Variants in NOVA1 observed in about 807,000 individuals in gnomAD.
NOVA1 encodes the protein RNA-binding protein Nova-1.
A neutral mutation model predicts 38.0 loss-of-function variants in NOVA1; 7 were observed. That is an observed-to-expected ratio of 0.18 (90% CI 0.10 to 0.35). The LOEUF is 0.35. Among genes scored for constraint, NOVA1 ranks in the 10% least tolerant of loss-of-function variants. The pLI is 1.00. For synonymous variants in NOVA1, 270 were observed against 232.5 expected (o/e 1.16, Z -1.47); for missense variants, 460 against 616.0 (o/e 0.75, Z 2.68).
At chr14:26,556,288 A>G (rs1341239641) in intron 2 of NOVA1, among the ~76,000 whole-genome samples, 1 of 152,192 alleles carries the variant, frequency 6.6e-6, no homozygotes, top group East Asian at 1.9e-4. Context: ...TGGTAAAATA[A>G]CAGACAACTT....
chr14:26,494,638 G>T (rs1338690045), intron 2 of NOVA1, among the ~76,000 whole-genome samples: 2 of 151,964 alleles, frequency 1.3e-5, no homozygotes, highest in African/African-American at 4.8e-5. Context: ...TCCTCTTCTG[G>T]CTTCTGTGTT....
intron 2 of NOVA1, among the ~76,000 whole-genome samples, chr14:26,574,417 T>A (rs1055672157): frequency 6.6e-6 from 1 of 152,078 alleles, no homozygotes; most frequent in Non-Finnish European, 1.5e-5. Flanking sequence ...TATTAGTGTA[T>A]ATTGTAAAGC....
At chr14:26,457,341 A>T (rs1408038460) in intron 4 of NOVA1, among the ~76,000 whole-genome samples, 1 of 152,128 alleles carries the variant, frequency 6.6e-6, no homozygotes, top group Admixed American at 6.6e-5. Context: ...TTTACAGTCC[A>T]GTGGTATAAT....
At chr14:26,497,244 G>A (rs577944594) in intron 2 of NOVA1, among the ~76,000 whole-genome samples, 23 of 152,206 alleles carry the variant, frequency 1.5e-4, no homozygotes, top group African/African-American at 4.8e-4. Context: ...TACAAGGGAC[G>A]TGAAGGACCT....
chr14:26,564,067 C>G (rs1481044130), intron 2 of NOVA1, among the ~76,000 whole-genome samples: 2 of 152,034 alleles, frequency 1.3e-5, no homozygotes, highest in Admixed American at 1.3e-4. Flanking sequence ...AATTTTAACC[C>G]TGGCAATTTA....
At chr14:26,591,496 G>A (rs986203239) in intron 2 of NOVA1, among the ~76,000 whole-genome samples, 1 of 151,576 alleles carries the variant, frequency 6.6e-6, no homozygotes, top group Non-Finnish European at 1.5e-5. Flanking sequence ...TCCAACAAAT[G>A]TCCAATATTC....
rs377305301 is a variant in NOVA1 at position 26,547,361 on chromosome 14, A to C, written c.280+48049T>G. On this transcript the variant is annotated intron_variant, in intron 2 of 4. Transcript: ENST00000539517. Reference sequence around the variant, plus strand: ...AAATTAATTTAACTGAAACACCGACAGTTTATTTTTGATTACACAAGCAGT... The same window carrying C: ...AAATTAATTTAACTGAAACACCGACCGTTTATTTTTGATTACACAAGCAGT... Among the ~76,000 whole-genome samples the C allele has an allele frequency of 1.8e-4, 27 of 152,246 alleles. No homozygotes were observed. In the East Asian group the frequency reaches 4.4e-3, roughly 25 times the overall value.
chr14:26,482,328 C>T (rs1426760881), intron 2 of NOVA1, among the ~76,000 whole-genome samples: 1 of 152,130 alleles, frequency 6.6e-6, no homozygotes, highest in Non-Finnish European at 1.5e-5. Context: ...GATTCTATAT[C>T]TACCACTCAG....
rs563403345 is a variant in NOVA1 at position 26,597,335 on chromosome 14, A to C, written c.102T>G (p.Pro34=). Residue 34 remains proline, a synonymous_variant, in exon 1 of 5, where the codon CCT becomes CCG. Coordinates refer to ENST00000539517, the MANE Select transcript of NOVA1 (RefSeq NM_002515.3). ...DSRKRPLEAP[P]EAGSTKRTNT... ...TGGTCCTCTTGGTGCTGCCGGCTTC[A>C]GGGGGGGCTTCCAGCGGCCTTTTCC... The C allele has an allele frequency of 1.6e-6, 2 of 1,260,084 alleles. No individual in the cohort carries two copies. The highest frequency in any genetic ancestry group is 3.9e-5 in the South Asian group (1 of 25,406). The allele number at this position is 1,260,084 out of a possible 1,614,324, so 78.1% of individuals were successfully genotyped here.
chr14:26,576,322 A>G (rs1464678943), intron 2 of NOVA1, among the ~76,000 whole-genome samples: 1 of 151,638 alleles, frequency 6.6e-6, no homozygotes, highest in Non-Finnish European at 1.5e-5. Context: ...AAGGTGTAAA[A>G]CATGATGTTT....
intron 2 of NOVA1, among the ~76,000 whole-genome samples, chr14:26,587,489 T>C (rs1193697636): frequency 1.3e-5 from 2 of 150,988 alleles, no homozygotes; most frequent in African/African-American, 4.8e-5. Context: ...ATATGCATAA[T>C]AATTAACAAG....
Position 26,448,983 on chromosome 14 carries a change from G to A in NOVA1, c.520-20C>T, listed in dbSNP as rs184762063. 2.8e-5 allele frequency: 44 copies of A among 1,575,074 alleles called. 1 individual carries two copies. The East Asian group carries it at 3.4e-4, about 12-fold the overall frequency. On this transcript the variant is annotated intron_variant, in intron 4 of 4. Coordinates refer to ENST00000539517, the MANE Select transcript of NOVA1 (RefSeq NM_002515.3). The surrounding 1 kb of genome is among the most constrained non-coding windows in gnomAD (Gnocchi z 5.3). ...CTTTACCTGTAATTAAAAAAAATAC[G>A]TATAAATAATACTTCTGTTTTGTGC...
chr14:26,482,016 ATGGCTCTAAATAACT>A (rs1885513625), intron 2 of NOVA1, among the ~76,000 whole-genome samples: 1 of 141,940 alleles, frequency 7.0e-6, no homozygotes, highest in Non-Finnish European at 1.6e-5. Context: ...AAAAAAAAAC[ATGGCTCTAAATAACT>A]AAAGAGATTA....
intron 2 of NOVA1, among the ~76,000 whole-genome samples, chr14:26,498,065 A>G (rs868863480): frequency 1.3e-5 from 2 of 152,120 alleles, no homozygotes; most frequent in African/African-American, 2.4e-5. Context: ...ATTAAAAAAT[A>G]AAGTGCTAAT....
intron 3 of NOVA1, among the ~76,000 whole-genome samples, chr14:26,475,259 T>C (rs1291515007): frequency 6.6e-6 from 1 of 152,144 alleles, no homozygotes. Flanking sequence ...CTCAAACTCC[T>C]GGCTTCAAGC....
At chr14:26,449,226 G>C (rs1362505224) in intron 4 of NOVA1, among the ~76,000 whole-genome samples, 1 of 151,996 alleles carries the variant, frequency 6.6e-6, no homozygotes, top group Non-Finnish European at 1.5e-5. Context: ...TTTTGCAACA[G>C]AATTTATAAG....
Position 26,447,148 on chromosome 14 carries a change from G to A in NOVA1, c.*811C>T, listed in dbSNP as rs1177665777. The A allele has an allele frequency of 6.6e-6, 1 of 152,632 alleles. No homozygotes were observed. Among genetic ancestry groups the A allele is most frequent in the Non-Finnish European group, 1.5e-5 (1 of 68,036 alleles). The allele number at this position is 152,632 out of a possible 1,614,324, so 9.5% of individuals were successfully genotyped here. On this transcript the variant is annotated 3_prime_UTR_variant, in exon 5 of 5. Transcript: ENST00000539517. Reference sequence around the variant, plus strand: ...TTCCAATACACTGTACCACAGTTATGTGTCTAAACAGTGAGGATGTTAATG... The same window carrying A: ...TTCCAATACACTGTACCACAGTTATATGTCTAAACAGTGAGGATGTTAATG...
intron 4 of NOVA1, among the ~76,000 whole-genome samples, chr14:26,460,834 AAT>A (rs1365076249): frequency 3.9e-5 from 6 of 152,208 alleles, no homozygotes; most frequent in African/African-American, 1.4e-4. Flanking sequence ...AAAAAATTAA[AAT>A]GTTTAAAATA....
At chr14:26,475,883 TG>T (rs1358409992) in intron 3 of NOVA1, among the ~76,000 whole-genome samples, 1 of 152,124 alleles carries the variant, frequency 6.6e-6, no homozygotes, top group African/African-American at 2.4e-5. Flanking sequence ...TAATAAACAC[TG>T]TAATAAACAG....
Sources: allele counts gnomAD v4.1 joint callset (sites outside exome capture counted in the v4.1 genomes callset), GRCh38; gene constraint gnomAD v4.1.1; non-coding constraint Gnocchi (gnomAD v3.1); transcripts MANE v1.5; gene names NCBI Gene and HGNC (gene_info 2026-07-23, HGNC 2026-07-21).